The following NBEA variants were observed in gnomAD, a reference collection of about 807,000 sequenced individuals.
NBEA encodes the protein neurobeachin.
In NBEA, 44 loss-of-function variants were observed where a neutral mutation model predicts 343.4. The ratio of observed to expected loss-of-function variants is 0.13; its 90% confidence interval spans 0.10 to 0.16. The LOEUF is 0.16. NBEA is among the 10% of genes least tolerant of loss of function. NBEA has a pLI of 1.00. For synonymous variants in NBEA, 1,175 were observed against 1,238.7 expected (o/e 0.95, Z 1.08); for missense variants, 2,555 against 3,631.3 (o/e 0.70, Z 7.62).
chr13:34,978,963 CT>C (rs774424016), intron 1 of NBEA, among the ~76,000 whole-genome samples: 3 of 151,956 alleles, frequency 2.0e-5, no homozygotes, highest in Non-Finnish European at 4.4e-5. Flanking sequence ...GTTTTTATTC[CT>C]TTTGGGTAAA....
intron 40 of NBEA, among the ~76,000 whole-genome samples, chr13:35,468,204 T>C (rs2075480624): frequency 6.7e-6 from 1 of 148,950 alleles, no homozygotes; most frequent in Non-Finnish European, 1.5e-5. Flanking sequence ...CCTGCCTATA[T>C]CTAAGCCTCA....
At chr13:35,538,746 T>C (rs2078672593) in intron 41 of NBEA, among the ~76,000 whole-genome samples, 1 of 152,210 alleles carries the variant, frequency 6.6e-6, no homozygotes, top group African/African-American at 2.4e-5. Flanking sequence ...GGATGTGGAA[T>C]TTTCTACCTG....
intron 27 of NBEA, 83 bp downstream of exon 27, chr13:35,173,677 A>G: frequency 1.5e-6 from 2 of 1,372,176 alleles, no homozygotes; most frequent in Non-Finnish European, 2.0e-6. Context: ...GTGCCATGGT[A>G]TTGCTCAGTG....
At chr13:34,998,957 C>G (rs58583592) in intron 1 of NBEA, among the ~76,000 whole-genome samples, 2,393 of 152,066 alleles carry the variant, frequency 0.016, 64 homozygotes, top group African/African-American at 0.049. Flanking sequence ...TAAAGACAGG[C>G]GTAAGAAATT....
chr13:35,623,606 T>C (rs369058128), intron 48 of NBEA, among the ~76,000 whole-genome samples: 3 of 152,234 alleles, frequency 2.0e-5, no homozygotes, highest in Admixed American at 1.3e-4. Context: ...CTCTAAGATA[T>C]AGAATAGGGT....
At chr13:35,176,731 G>T (rs891647737) in intron 27 of NBEA, among the ~76,000 whole-genome samples, 1 of 151,908 alleles carries the variant, frequency 6.6e-6, no homozygotes, top group Admixed American at 6.6e-5. Flanking sequence ...AGTCCAAGAC[G>T]AATCTTTATT....
chr13:35,591,246 A>G, intron 46 of NBEA, among the ~76,000 whole-genome samples: 1 of 152,056 alleles, frequency 6.6e-6, no homozygotes, highest in East Asian at 1.9e-4. Flanking sequence ...TTCCACCAAG[A>G]TTCAAACTTA....
Position 35,232,512 on chromosome 13 carries a change from G to T in NBEA, c.5669G>T (p.Arg1890Ile). 1 of 1,546,916 alleles carries T rather than the reference G, an allele frequency of 6.5e-7. No homozygotes were observed. The highest frequency in any genetic ancestry group is 8.7e-7 in the Non-Finnish European group (1 of 1,144,074). Residue 1890 changes from arginine (R) to isoleucine (I), a missense_variant, in exon 34 of 59, where the codon AGA (arginine) becomes ATA (isoleucine). Coordinates refer to ENST00000379939, the MANE Select transcript of NBEA (RefSeq NM_001385012.1). ...AACAGCATCACTGCAAAACTTGAAA[G>T]AGCGTTAGAAAAAGTTGCTCCTCTT... The part of the protein sequence containing the change: ...ENMSITAKLE[R>I]ALEKVAPLLR...
intron 33 of NBEA, among the ~76,000 whole-genome samples, chr13:35,226,898 C>T (rs1474820634): frequency 1.3e-5 from 2 of 151,866 alleles, no homozygotes; most frequent in Admixed American, 6.6e-5. Flanking sequence ...ATCATGCTCA[C>T]GTAGGCATTA....
intron 1 of NBEA, among the ~76,000 whole-genome samples, chr13:35,029,993 C>G (rs768141513): frequency 6.6e-6 from 1 of 151,492 alleles, no homozygotes; most frequent in African/African-American, 2.4e-5. Context: ...AAAAGAACAC[C>G]GTTAACTGTG....
At chr13:35,582,314 A>T (rs927674893) in intron 45 of NBEA, among the ~76,000 whole-genome samples, 11 of 152,110 alleles carry the variant, frequency 7.2e-5, no homozygotes, top group Non-Finnish European at 1.2e-4. Flanking sequence ...ATAAAATAAA[A>T]AAATAAAAAA....
At chr13:35,615,941 G>A (rs1319472171) in intron 48 of NBEA, among the ~76,000 whole-genome samples, 1 of 152,162 alleles carries the variant, frequency 6.6e-6, no homozygotes, top group East Asian at 1.9e-4. Context: ...TCACTGCCAG[G>A]AAACCCTGAA....
Position 35,184,009 on chromosome 13 carries a change from T to C in NBEA, c.4865T>C (p.Leu1622Ser). The C allele has an allele frequency of 6.2e-7, 1 of 1,611,960 alleles. No individual in the cohort carries two copies. Among genetic ancestry groups the C allele is most frequent in the Non-Finnish European group, 8.5e-7 (1 of 1,178,636 alleles). Residue 1622 changes from leucine (L) to serine (S), a missense_variant, in exon 30 of 59, where the codon TTG becomes TCG. Coordinates refer to ENST00000379939, the MANE Select transcript of NBEA (RefSeq NM_001385012.1). ...ATACCATCTATCCCTCATCCAAGTTTGAACCATGGATTCCTTGCCAAGTTA... is the reference window on the plus strand; with the variant it reads ...ATACCATCTATCCCTCATCCAAGTTCGAACCATGGATTCCTTGCCAAGTTA... ...VVIPSIPHPSLNHGFLAKLIP... is the reference protein window; with the variant it reads ...VVIPSIPHPSSNHGFLAKLIP...
At chr13:35,019,101 A>G (rs1488742979) in intron 1 of NBEA, among the ~76,000 whole-genome samples, 1 of 151,824 alleles carries the variant, frequency 6.6e-6, no homozygotes, top group African/African-American at 2.4e-5. Context: ...GATAAAACCA[A>G]CTTGGTCATG....
chr13:35,190,022 A>G (rs1008430056), intron 30 of NBEA, among the ~76,000 whole-genome samples: 1 of 152,136 alleles, frequency 6.6e-6, no homozygotes, highest in East Asian at 1.9e-4. Context: ...GTAGTCTAGC[A>G]GCCACTGAGG....
At chr13:35,613,197 C>G (rs2082598217) in intron 48 of NBEA, among the ~76,000 whole-genome samples, 1 of 150,868 alleles carries the variant, frequency 6.6e-6, no homozygotes, top group African/African-American at 2.4e-5. Flanking sequence ...TTCCCCTTTC[C>G]CTATCCATAT....
At position 35,290,470 on chromosome 13, in the gene NBEA, C is replaced by T. The variant is rs758470539; in HGVS notation, c.5838+20C>T. On this transcript the variant is annotated intron_variant, in intron 35 of 58. Transcript: ENST00000379939. ...TCTCAGGTACAAAATCCCATTCACT[C>T]AGTTACATTAATATATGAGGGTTTT... The T allele has an allele frequency of 1.9e-6, 3 of 1,576,798 alleles. No homozygotes were observed. The highest frequency in any genetic ancestry group is 4.5e-5 in the East Asian group (2 of 44,110).
intron 1 of NBEA, among the ~76,000 whole-genome samples, chr13:34,948,602 A>G (rs1422380243): frequency 6.6e-6 from 1 of 152,212 alleles, no homozygotes; most frequent in African/African-American, 2.4e-5. Context: ...AGGAATCCCC[A>G]GTAACATAGA....
Position 35,349,227 on chromosome 13 carries a change from G to T in NBEA, c.6012+11G>T. 6.7e-7 allele frequency: 1 copy of T among 1,500,330 alleles called. No individual in the cohort carries two copies. The highest frequency in any genetic ancestry group is 1.2e-5 in the South Asian group (1 of 81,818). The allele number at this position is 1,500,330 out of a possible 1,614,324, so 92.9% of individuals were successfully genotyped here. ...CATGCAGAGTTTGAGGTAAGGTTTT[G>T]GGAGTAGACTAAATTCTGCCTTTCT... On this transcript the variant is annotated intron_variant, in intron 37 of 58. Coordinates refer to ENST00000379939, the MANE Select transcript of NBEA (RefSeq NM_001385012.1).
Sources: allele counts gnomAD v4.1 joint callset (sites outside exome capture counted in the v4.1 genomes callset), GRCh38; gene constraint gnomAD v4.1.1; transcripts MANE v1.5; gene names NCBI Gene and HGNC (gene_info 2026-07-23, HGNC 2026-07-21).